The following PTPRK variants were observed in gnomAD, a reference collection of about 807,000 sequenced individuals.
The protein encoded by PTPRK is protein tyrosine phosphatase receptor type K, also known as receptor-type tyrosine-protein phosphatase kappa.
PTPRK carries 75 observed loss-of-function variants against 178.0 expected under a neutral mutation model. That is an observed-to-expected ratio of 0.42 (90% confidence interval 0.35 to 0.51). The LOEUF (loss-of-function observed/expected upper bound fraction) is 0.51, where lower values mean the gene tolerates loss of function less well. Ranked by LOEUF, PTPRK falls within the 20% of genes least tolerant of loss-of-function variation. PTPRK has a pLI of 0.02. For synonymous variants in PTPRK, 637 were observed against 620.6 expected (o/e 1.03, Z -0.39); for missense variants, 1,441 against 1,797.8 (o/e 0.80, Z 3.59).
chr6:128,293,091 A>G (rs1250331204), intron 3 of PTPRK, among the ~76,000 whole-genome samples: 6 of 152,136 alleles, frequency 3.9e-5, no homozygotes, highest in African/African-American at 1.4e-4. Flanking sequence ...TTCACTTCAT[A>G]CAATTATTAT....
chr6:128,098,251 G>C (rs117429857), intron 7 of PTPRK, among the ~76,000 whole-genome samples: 4,251 of 152,116 alleles, frequency 0.028, 86 homozygotes, highest in Middle Eastern at 0.092. Context: ...ATTTCTTCTT[G>C]TTGTCACACT....
intron 1 of PTPRK, among the ~76,000 whole-genome samples, chr6:128,401,565 C>T (rs1841021121): frequency 6.6e-6 from 1 of 152,148 alleles, no homozygotes; most frequent in East Asian, 1.9e-4. Flanking sequence ...AATGAAAAGT[C>T]GTAGATCACT....
At chr6:128,194,436 AGTCAACATGGTGGCAAACCATGTTAT>A (rs2128253631) in intron 6 of PTPRK, among the ~76,000 whole-genome samples, 1 of 152,262 alleles carries the variant, frequency 6.6e-6, no homozygotes, top group East Asian at 1.9e-4. Context: ...TCAGTACTAC[AGTCAACATGGTGGCAAACCATGTTAT>A]GATGAAAGTT....
chr6:128,472,985 T>C (rs143484117), intron 1 of PTPRK, among the ~76,000 whole-genome samples: 2 of 152,222 alleles, frequency 1.3e-5, no homozygotes, highest in African/African-American at 2.4e-5. Flanking sequence ...TCTTCTTTTA[T>C]TTTAAAATTT....
At chr6:128,353,233 G>T (rs1833437270) in intron 2 of PTPRK, among the ~76,000 whole-genome samples, 1 of 152,164 alleles carries the variant, frequency 6.6e-6, no homozygotes, top group Admixed American at 6.5e-5. Context: ...TCAAATGCTG[G>T]TGAAGATGGA....
At chr6:128,372,278 A>C (rs2128349540) in intron 2 of PTPRK, among the ~76,000 whole-genome samples, 1 of 152,338 alleles carries the variant, frequency 6.6e-6, no homozygotes, top group Middle Eastern at 3.4e-3. Flanking sequence ...GCATGGCAAA[A>C]GAATACCAGG....
chr6:128,229,475 G>C (rs1811942655), intron 5 of PTPRK, among the ~76,000 whole-genome samples: 1 of 151,974 alleles, frequency 6.6e-6, no homozygotes, highest in Non-Finnish European at 1.5e-5. Context: ...TCACTGAAAC[G>C]ATCTAGAAAT....
chr6:128,140,084 T>TA (rs1405358033), intron 7 of PTPRK, among the ~76,000 whole-genome samples: 1 of 152,034 alleles, frequency 6.6e-6, no homozygotes, highest in Admixed American at 6.6e-5. Flanking sequence ...TGCATCCAGA[T>TA]ACACAAGTTG....
chr6:128,433,593 GC>G (rs1341868323), intron 1 of PTPRK, among the ~76,000 whole-genome samples: 1 of 151,668 alleles, frequency 6.6e-6, no homozygotes, highest in Non-Finnish European at 1.5e-5. Context: ...TCAGCTCATT[GC>G]AACCTCTGCC....
At chr6:128,358,445 C>T (rs569394896) in intron 2 of PTPRK, among the ~76,000 whole-genome samples, 2 of 152,310 alleles carry the variant, frequency 1.3e-5, no homozygotes, top group Non-Finnish European at 2.9e-5. Flanking sequence ...TGAATGAAAA[C>T]ACTGCTCCAA....
chr6:128,306,690 G>C (rs754730536), intron 3 of PTPRK, among the ~76,000 whole-genome samples: 3 of 152,014 alleles, frequency 2.0e-5, no homozygotes, highest in Non-Finnish European at 2.9e-5. Context: ...CCAGCCACTC[G>C]GGAGGCTGAG....
chr6:128,210,030 G>A (rs1055348183), intron 6 of PTPRK, among the ~76,000 whole-genome samples: 3 of 152,150 alleles, frequency 2.0e-5, no homozygotes, highest in South Asian at 4.1e-4. Flanking sequence ...TCTGGCTTCT[G>A]TGTGAAGACT....
chr6:128,452,210 T>C (rs1302588674), intron 1 of PTPRK, among the ~76,000 whole-genome samples: 1 of 152,124 alleles, frequency 6.6e-6, no homozygotes, highest in African/African-American at 2.4e-5. Context: ...GTGTTTTCAT[T>C]TTGGTCCCCT....
chr6:128,202,838 G>C (rs1264041465), intron 6 of PTPRK, among the ~76,000 whole-genome samples: 1 of 152,110 alleles, frequency 6.6e-6, no homozygotes, highest in Non-Finnish European at 1.5e-5. Context: ...AAGAAGAGCT[G>C]GTACCATTTC....
intron 2 of PTPRK, among the ~76,000 whole-genome samples, chr6:128,323,081 C>T (rs1448439082): frequency 3.3e-5 from 5 of 152,070 alleles, no homozygotes; most frequent in African/African-American, 1.2e-4. Context: ...AGTTTAAAAT[C>T]ACCAATCTAC....
intron 25 of PTPRK, among the ~76,000 whole-genome samples, chr6:127,980,861 G>A (rs908263870): frequency 6.6e-6 from 1 of 152,054 alleles, no homozygotes; most frequent in Non-Finnish European, 1.5e-5. Flanking sequence ...TTTATAACTT[G>A]CAATATTTAC....
chr6:127,996,546 G>A (rs7749500), intron 17 of PTPRK, among the ~76,000 whole-genome samples: 138,242 of 152,258 alleles, frequency 0.91, 62,838 homozygotes, highest in East Asian at 1. Context: ...GTCTCTGCTC[G>A]CTGCAACCTC....
chr6:128,148,927 C>T lies in PTPRK; in HGVS notation c.1162+35505G>A, dbSNP rs372664185. Among the ~76,000 whole-genome samples, 14 of 151,964 alleles carry T rather than the reference C, an allele frequency of 9.2e-5. No individual in the cohort carries two copies. The East Asian group carries it at 1.4e-3, about 15-fold the overall frequency. ...TATTCTAGGATCATATTATGCCTTT[C>T]CAGGAAAAGAACAAAGCCAAAGTTT... On this transcript the variant is annotated intron_variant, in intron 7 of 29. Coordinates refer to ENST00000368226, the MANE Select transcript of PTPRK (RefSeq NM_002844.4).
chr6:128,406,006 C>CA (rs891899940), intron 1 of PTPRK, among the ~76,000 whole-genome samples: 8 of 149,138 alleles, frequency 5.4e-5, no homozygotes, highest in African/African-American at 1.5e-4. Context: ...AATCAAAAAA[C>CA]AAAAAAAAAG....
Sources: gnomAD v4.1 joint callset for allele counts (sites outside exome capture counted in the v4.1 genomes callset) on GRCh38, gnomAD v4.1.1 for gene constraint, MANE v1.5 for transcripts, NCBI Gene and HGNC (gene_info 2026-07-23, HGNC 2026-07-21) for gene names.